Variants in PTPRD observed in about 807,000 individuals in gnomAD.
PTPRD encodes the protein protein tyrosine phosphatase receptor type D.
Under a neutral mutation model 214.5 loss-of-function variants are expected in PTPRD, and 34 were observed. That is an observed-to-expected ratio of 0.16 (90% CI 0.12 to 0.21). The LOEUF is 0.21. Ranked by LOEUF, PTPRD falls within the 10% of genes least tolerant of loss-of-function variation. PTPRD has a pLI of 1.00. For synonymous variants in PTPRD, 1,128 were observed against 845.7 expected, an observed-to-expected ratio of 1.33 and a Z score of -5.79; for missense variants, 2,545 against 2,398.7, an observed-to-expected ratio of 1.06 and a Z score of -1.27.
chr9:9,211,345 T>C (rs566788547), intron 9 of PTPRD, among the ~76,000 whole-genome samples: 67 of 152,300 alleles, frequency 4.4e-4, no homozygotes, highest in Non-Finnish European at 9.1e-4. Context: ...AGAGTGATAA[T>C]AGGTCTTGTG....
At chr9:10,302,859 G>C (rs534361457) in intron 3 of PTPRD, among the ~76,000 whole-genome samples, 4 of 152,040 alleles carry the variant, frequency 2.6e-5, no homozygotes, top group African/African-American at 9.7e-5. Flanking sequence ...GATCAAGACA[G>C]AAAATTAACA....
chr9:10,025,215 C>T (rs2154123515), intron 4 of PTPRD, among the ~76,000 whole-genome samples: 1 of 152,204 alleles, frequency 6.6e-6, no homozygotes, highest in African/African-American at 2.4e-5. Flanking sequence ...CACTGACTTC[C>T]ACAATGGTTG....
rs112957767 is a variant in PTPRD, at chr9:8,468,107, T to C, written c.3505-2432A>G. 3.2e-3 allele frequency among the ~76,000 whole-genome samples: 483 copies of C among 152,158 alleles called. 4 individuals are homozygous for C. Among genetic ancestry groups the C allele is most frequent in the African/African-American group, 0.011 (457 of 41,534 alleles). On this transcript the variant is annotated intron_variant, in intron 31 of 45. Coordinates refer to ENST00000381196, the MANE Select transcript of PTPRD (RefSeq NM_002839.4). Reference sequence around the variant, plus strand: ...TGCTAGGGTTTCTTTAGAAGACTTATAGGAAGTAATTCACAATAAAATATT... The same window carrying C: ...TGCTAGGGTTTCTTTAGAAGACTTACAGGAAGTAATTCACAATAAAATATT...
intron 9 of PTPRD, among the ~76,000 whole-genome samples, chr9:9,330,016 TAA>T (rs766626841): frequency 4.6e-5 from 7 of 152,132 alleles, no homozygotes; most frequent in Non-Finnish European, 8.8e-5. Flanking sequence ...ATTTGTAGAC[TAA>T]ACAGGCTTGA....
At chr9:9,631,048 T>A (rs1400418483) in intron 7 of PTPRD, among the ~76,000 whole-genome samples, 1 of 152,018 alleles carries the variant, frequency 6.6e-6, no homozygotes, top group Non-Finnish European at 1.5e-5. Flanking sequence ...CTCTGTCATT[T>A]AAAAACAATA....
intron 7 of PTPRD, among the ~76,000 whole-genome samples, chr9:9,575,751 GAAAGAAAAAGAAAAAAAGAA>G (rs1563798990): frequency 1.3e-5 from 1 of 76,314 alleles, no homozygotes; most frequent in Non-Finnish European, 2.6e-5. Flanking sequence ...AAAAAAGAAA[GAAAGAAAAAGAAAAAAAGAA>G]AAAGAAAGAA....
intron 10 of PTPRD, among the ~76,000 whole-genome samples, chr9:9,068,273 C>G (rs1361771287): frequency 6.6e-6 from 1 of 152,128 alleles, no homozygotes; most frequent in Non-Finnish European, 1.5e-5. Context: ...GGGCTGCTTA[C>G]AGTGTTTAGC....
rs553031490 is a variant in PTPRD at position 9,140,545 on chromosome 9, G to C, written c.-143+42759C>G. 4.6e-5 allele frequency among the ~76,000 whole-genome samples: 7 copies of C among 152,300 alleles called. No individual in the cohort carries two copies. The South Asian group carries it at 6.2e-4, about 14-fold the overall frequency. On this transcript the variant is annotated intron_variant, in intron 10 of 45. Coordinates refer to ENST00000381196, the MANE Select transcript of PTPRD (RefSeq NM_002839.4). ...CTCTGGACTCTTTCAAGACGCTGGG[G>C]ATTGGAAAGCCACTGTGACAGAAAC... is the stretch of plus-strand genomic sequence containing the variant.
At chr9:9,071,798 C>A (rs1376593866) in intron 10 of PTPRD, among the ~76,000 whole-genome samples, 1 of 152,084 alleles carries the variant, frequency 6.6e-6, no homozygotes, top group South Asian at 2.1e-4. Flanking sequence ...TGGGAGAAAA[C>A]AAGTGTGTGT....
chr9:8,748,033 G>A (rs1455124533), intron 11 of PTPRD, among the ~76,000 whole-genome samples: 1 of 152,130 alleles, frequency 6.6e-6, no homozygotes, highest in African/African-American at 2.4e-5. Context: ...CCCTGGACCG[G>A]CCTGCTAGCC....
intron 10 of PTPRD, among the ~76,000 whole-genome samples, chr9:9,112,180 T>C (rs1289050826): frequency 6.6e-6 from 1 of 152,140 alleles, no homozygotes; most frequent in African/African-American, 2.4e-5. Context: ...GCATGAAAAA[T>C]GGAAACACTG....
intron 14 of PTPRD, among the ~76,000 whole-genome samples, chr9:8,631,517 G>T (rs907881736): frequency 1.3e-5 from 2 of 151,700 alleles, no homozygotes; most frequent in African/African-American, 4.8e-5. Context: ...TCTGTGGGGT[G>T]AGTGCTATTA....
At chr9:10,271,453 A>C (rs890939874) in intron 3 of PTPRD, among the ~76,000 whole-genome samples, 3 of 128,288 alleles carry the variant, frequency 2.3e-5, no homozygotes, top group African/African-American at 7.7e-5. Context: ...AATTGCAATG[A>C]AAAAATATTC....
chr9:9,788,361 C>G (rs1160974925), intron 5 of PTPRD, among the ~76,000 whole-genome samples: 2 of 151,042 alleles, frequency 1.3e-5, no homozygotes, highest in African/African-American at 4.9e-5. Flanking sequence ...ACCATCCTGA[C>G]TAACACGGTG....
intron 7 of PTPRD, among the ~76,000 whole-genome samples, chr9:9,618,697 A>G (rs2095053365): frequency 6.6e-6 from 1 of 152,208 alleles, no homozygotes; most frequent in African/African-American, 2.4e-5. Flanking sequence ...AGATATTCAA[A>G]TACAAATATC....
chr9:8,881,309 G>A (rs1048680419), intron 11 of PTPRD, among the ~76,000 whole-genome samples: 8 of 152,030 alleles, frequency 5.3e-5, no homozygotes, highest in Admixed American at 2.0e-4. Context: ...TAACCAATAG[G>A]AAAACTTAGT....
intron 2 of PTPRD, among the ~76,000 whole-genome samples, chr9:10,543,643 A>G (rs1179218717): frequency 6.6e-6 from 1 of 152,224 alleles, no homozygotes; most frequent in African/African-American, 2.4e-5. Context: ...TAAGCACAAG[A>G]TGGGCTAGTT....
intron 12 of PTPRD, among the ~76,000 whole-genome samples, chr9:8,714,404 CT>C (rs912262482): frequency 1.3e-5 from 2 of 151,922 alleles, no homozygotes; most frequent in Admixed American, 6.6e-5. Flanking sequence ...TTGGCACAAG[CT>C]TTTTTTTCTG....
chr9:10,131,261 G>A (rs967186279), intron 3 of PTPRD, among the ~76,000 whole-genome samples: 4 of 152,056 alleles, frequency 2.6e-5, no homozygotes, highest in Non-Finnish European at 5.9e-5. Context: ...ACTACTGCGT[G>A]CATCTCTAAG....
Sources: allele counts gnomAD v4.1 joint callset (sites outside exome capture counted in the v4.1 genomes callset), GRCh38; gene constraint gnomAD v4.1.1; transcripts MANE v1.5; gene names NCBI Gene and HGNC (gene_info 2026-07-23, HGNC 2026-07-21).